The following SGCZ variants were observed in gnomAD, a reference collection of about 807,000 sequenced individuals.
SGCZ encodes the protein zeta-sarcoglycan.
Under a neutral mutation model 41.3 loss-of-function variants are expected in SGCZ, and 40 were observed. The observed-to-expected ratio is 0.97, with a 90% CI of 0.75 to 1.26. SGCZ has a LOEUF of 1.26. SGCZ is among the 50% of genes most tolerant of loss of function. SGCZ has a pLI of 0.00. For missense variants in SGCZ, 552 were observed against 369.8 expected, an observed-to-expected ratio of 1.49 and a Z score of -4.04; for synonymous variants, 206 against 137.5, an observed-to-expected ratio of 1.50 and a Z score of -3.49.
At chr8:14,221,986 G>C (rs907256464) in intron 4 of SGCZ, among the ~76,000 whole-genome samples, 10 of 151,834 alleles carry the variant, frequency 6.6e-5, no homozygotes, top group Non-Finnish European at 1.3e-4. Flanking sequence ...AGTGGAAGTG[G>C]GGTCTCAAAC....
chr8:14,190,391 A>G (rs1585215797), intron 4 of SGCZ, among the ~76,000 whole-genome samples: 1 of 151,838 alleles, frequency 6.6e-6, no homozygotes, highest in African/African-American at 2.4e-5. Flanking sequence ...GTATATATAT[A>G]TATCAATAAA....
intron 2 of SGCZ, among the ~76,000 whole-genome samples, chr8:14,436,463 C>T (rs1167130407): frequency 6.6e-6 from 1 of 152,180 alleles, no homozygotes; most frequent in Non-Finnish European, 1.5e-5. Context: ...GTGGGCCATA[C>T]ACTTTTAAGA....
chr8:14,294,442 C>A (rs1468767438), intron 3 of SGCZ, among the ~76,000 whole-genome samples: 1 of 151,882 alleles, frequency 6.6e-6, no homozygotes, highest in South Asian at 2.1e-4. Flanking sequence ...TGGAAACTTA[C>A]AACTAGAAAC....
intron 1 of SGCZ, among the ~76,000 whole-genome samples, chr8:14,829,472 C>A (rs1263287738): frequency 6.6e-6 from 1 of 152,040 alleles, no homozygotes; most frequent in African/African-American, 2.4e-5. Flanking sequence ...TTCTTGAAGT[C>A]CCCTTGTAAG....
intron 1 of SGCZ, among the ~76,000 whole-genome samples, chr8:14,953,796 C>G (rs968536192): frequency 5.3e-5 from 8 of 152,122 alleles, no homozygotes; most frequent in African/African-American, 1.9e-4. Flanking sequence ...GTACTTGATA[C>G]AAAATACTCA....
chr8:14,192,266 A>G (rs1161746881), intron 4 of SGCZ, among the ~76,000 whole-genome samples: 6 of 152,050 alleles, frequency 3.9e-5, no homozygotes, highest in Non-Finnish European at 8.8e-5. Context: ...AAATAAAGAT[A>G]TATCCCAAGG....
chr8:15,023,491 T>C (rs539292260), intron 1 of SGCZ, among the ~76,000 whole-genome samples: 1 of 152,304 alleles, frequency 6.6e-6, no homozygotes, highest in East Asian at 1.9e-4. Flanking sequence ...TAATTCCTTC[T>C]ATGTGTGTGG....
chr8:14,763,441 C>A (rs1019573319), intron 1 of SGCZ, among the ~76,000 whole-genome samples: 1 of 152,174 alleles, frequency 6.6e-6, no homozygotes, highest in African/African-American at 2.4e-5. Context: ...CATCTCTGCG[C>A]CCTACAACTG....
intron 1 of SGCZ, among the ~76,000 whole-genome samples, chr8:15,006,002 T>C (rs1000826711): frequency 1.3e-5 from 2 of 152,144 alleles, no homozygotes; most frequent in Admixed American, 1.3e-4. Flanking sequence ...ATTTTAAGTG[T>C]TTGGTTCTGT....
At chr8:14,367,713 G>T (rs187379858) in intron 2 of SGCZ, among the ~76,000 whole-genome samples, 1 of 151,926 alleles carries the variant, frequency 6.6e-6, no homozygotes, top group Non-Finnish European at 1.5e-5. Context: ...CCTATCACGG[G>T]AATATCAAGG....
intron 3 of SGCZ, among the ~76,000 whole-genome samples, chr8:14,266,676 G>C (rs1217487492): frequency 6.6e-6 from 1 of 151,942 alleles, no homozygotes; most frequent in Non-Finnish European, 1.5e-5. Flanking sequence ...TCATTGTGAG[G>C]GTTTTTATCT....
intron 1 of SGCZ, among the ~76,000 whole-genome samples, chr8:15,049,107 C>T (rs1310169309): frequency 6.6e-6 from 1 of 152,010 alleles, no homozygotes; most frequent in African/African-American, 2.4e-5. Flanking sequence ...ACAATGGAGC[C>T]ACAATCGTGA....
At chr8:14,781,207 A>G (rs901294662) in intron 1 of SGCZ, among the ~76,000 whole-genome samples, 4 of 152,116 alleles carry the variant, frequency 2.6e-5, no homozygotes, top group Non-Finnish European at 5.9e-5. Context: ...ACAAACAGAC[A>G]TCACTCCTTT....
intron 2 of SGCZ, among the ~76,000 whole-genome samples, chr8:14,399,180 T>G (rs529196315): frequency 3.3e-5 from 5 of 152,150 alleles, no homozygotes; most frequent in Non-Finnish European, 5.9e-5. Context: ...TGTGTATCTT[T>G]CATCAGATTA....
intron 1 of SGCZ, among the ~76,000 whole-genome samples, chr8:14,734,412 A>G (rs1048825072): frequency 6.6e-6 from 1 of 152,218 alleles, no homozygotes; most frequent in African/African-American, 2.4e-5. Flanking sequence ...AAGAAGTGCT[A>G]TGATACAAAT....
chr8:14,775,948 T>C (rs1800388664), intron 1 of SGCZ, among the ~76,000 whole-genome samples: 1 of 152,134 alleles, frequency 6.6e-6, no homozygotes, highest in Non-Finnish European at 1.5e-5. Flanking sequence ...AAGTGGACTC[T>C]CTTGCATCTG....
At chr8:15,003,332 T>A (rs181036079) in intron 1 of SGCZ, among the ~76,000 whole-genome samples, 32 of 152,258 alleles carry the variant, frequency 2.1e-4, no homozygotes, top group Admixed American at 9.1e-4. Flanking sequence ...TCTTTTTATG[T>A]ATAAATTACT....
rs560307610 is a variant in SGCZ, at chr8:14,638,047, T to C, written c.40-83121A>G. Among the ~76,000 whole-genome samples, 6 of 152,050 alleles carry C rather than the reference T, an allele frequency of 3.9e-5. No homozygotes were observed. In the South Asian group the frequency reaches 8.3e-4, roughly 21 times the overall value. On this transcript the variant is annotated intron_variant, in intron 1 of 7. Coordinates refer to ENST00000382080, the MANE Select transcript of SGCZ (RefSeq NM_139167.4). ...GGTTATATTTCATTGTAGTTTGATT[T>C]GTATTTCTCTGACGATCAGTGACGT...
At chr8:14,562,790 G>A (rs181273849) in intron 1 of SGCZ, among the ~76,000 whole-genome samples, 61 of 152,142 alleles carry the variant, frequency 4.0e-4, no homozygotes, top group Non-Finnish European at 7.2e-4. Context: ...CAATACCAAC[G>A]TATACAAAAG....
Sources: allele counts gnomAD v4.1 joint callset (sites outside exome capture counted in the v4.1 genomes callset), GRCh38; gene constraint gnomAD v4.1.1; transcripts MANE v1.5; gene names NCBI Gene and HGNC (gene_info 2026-07-23, HGNC 2026-07-21).